CSPP1: variants seen among roughly 807,000 people sequenced by gnomAD.
The protein encoded by CSPP1 is centrosome and spindle pole associated protein 1.
A neutral mutation model predicts 164.4 loss-of-function variants in CSPP1; 126 were observed. The observed-to-expected ratio is 0.77, with a 90% confidence interval of 0.66 to 0.89. The LOEUF is 0.89. Among genes scored for constraint, CSPP1 ranks in the 40% least tolerant of loss-of-function variants. CSPP1 has a pLI of 0.00. For missense variants in CSPP1, 1,395 were observed against 1,449.8 expected, an observed-to-expected ratio of 0.96 and a Z score of 0.61; for synonymous variants, 472 against 476.7, an observed-to-expected ratio of 0.99 and a Z score of 0.13.
chr8:67,091,764 C>A, intron 4 of CSPP1, 39 bp from the exon 5 acceptor site: 1 of 662,102 alleles, frequency 1.5e-6, no homozygotes, highest in Non-Finnish European at 2.3e-6. Flanking sequence ...TTTATAAAGG[C>A]AATTAGGTAA....
At position 67,161,886 on chromosome 8, in the gene CSPP1, G is replaced by A. The variant is rs758596232; in HGVS notation, c.2614G>A (p.Val872Ile). 2 of 1,611,820 alleles carry A rather than the reference G, an allele frequency of 1.2e-6. No individual in the cohort carries two copies. Among genetic ancestry groups the A allele is most frequent in the South Asian group, 2.2e-5 (2 of 91,034 alleles). Reference sequence around the variant, plus strand: ...AAGCAAACTCCAAAGACCTCCTTCAGTTGACAGCATCATACGTTCCTTTAT... The same window carrying A: ...AAGCAAACTCCAAAGACCTCCTTCAATTGACAGCATCATACGTTCCTTTAT... ...IASKLQRPPS[V>I]DSIIRSFIHE... The change falls in exon 22 of 31, where the codon GTT (valine) becomes ATT (isoleucine). Residue 872 changes from valine (V) to isoleucine (I), a missense_variant. Physicochemically the swap from Val to Ile is conservative, Grantham distance 29 (BLOSUM62 3). Transcript: ENST00000678616.
chr8:67,091,738 C>T, intron 4 of CSPP1, 65 bp from the exon 5 acceptor site: 1 of 486,108 alleles, frequency 2.1e-6, no homozygotes, highest in Non-Finnish European at 3.6e-6. Context: ...TGCAAAGACA[C>T]ATTTATGCAA....
At chr8:67,118,069 ATGTAATAGTATT>A (rs928361881) in intron 13 of CSPP1, among the ~76,000 whole-genome samples, 167 bp from the exon 14 acceptor site, 30 of 152,306 alleles carry the variant, frequency 2.0e-4, no homozygotes, top group African/African-American at 6.7e-4. Flanking sequence ...GTGAAATCCT[ATGTAATAGTATT>A]TGCTTTTTAA....
At chr8:67,084,211 T>C (rs573800749) in intron 3 of CSPP1, 1 of 152,358 alleles carries the variant, frequency 6.6e-6, no homozygotes, top group South Asian at 2.1e-4. Context: ...AATGCTTTAG[T>C]TTCTTTTGGA....
intron 19 of CSPP1, among the ~76,000 whole-genome samples, chr8:67,157,300 C>A (rs191555311): frequency 6.9e-6 from 1 of 144,812 alleles, no homozygotes; most frequent in African/African-American, 2.5e-5. Flanking sequence ...GATTAAAGTT[C>A]TTTTTTTTTT....
At chr8:67,191,799 C>T (rs1190597483) in intron 29 of CSPP1, among the ~76,000 whole-genome samples, 1 of 152,124 alleles carries the variant, frequency 6.6e-6, no homozygotes, top group Non-Finnish European at 1.5e-5. Context: ...TATATGGACA[C>T]TTTGTATTTA....
At chr8:67,133,942 C>T (rs1821743179) in intron 16 of CSPP1, 1 of 152,238 alleles carries the variant, frequency 6.6e-6, no homozygotes, top group South Asian at 2.1e-4. Context: ...AAAATTTTAT[C>T]ATGAGATTGC....
chr8:67,070,836 T>A (rs1340633970), intron 1 of CSPP1, among the ~76,000 whole-genome samples: 1 of 151,556 alleles, frequency 6.6e-6, no homozygotes, highest in Non-Finnish European at 1.5e-5. Context: ...GTAGCCTTGA[T>A]CTCCTGGGCT....
chr8:67,149,019 T>C (rs1825173630), intron 17 of CSPP1, among the ~76,000 whole-genome samples: 1 of 152,138 alleles, frequency 6.6e-6, no homozygotes, highest in Admixed American at 6.5e-5. Context: ...CTCATAATGT[T>C]GGAGTCCAAG....
rs554187590 is a variant in CSPP1, at chr8:67,113,717, C to A, written c.1188-88C>A. 320 of 687,564 alleles carry A rather than the reference C, an allele frequency of 4.7e-4. 5 individuals are homozygous for A. The highest frequency in any genetic ancestry group is 3.8e-3 in the Middle Eastern group (9 of 2,374). 42.6% of individuals were successfully genotyped at this position (687,564 alleles called of 1,614,324 possible). A position where few individuals can be genotyped will look rare whatever the true frequency, so the allele number is the denominator to read the frequency against. The stretch of plus-strand genomic sequence containing the variant: ...TGTTTTTGTAGATGTAGTGCATAGA[C>A]TTTGTGTATAAGCTTCTTTCAGTGA... On this transcript the variant is annotated intron_variant, in intron 10 of 30. Transcript: ENST00000678616.
chr8:67,179,283 T>C (rs1832442842), intron 27 of CSPP1, among the ~76,000 whole-genome samples: 1 of 152,218 alleles, frequency 6.6e-6, no homozygotes, highest in South Asian at 2.1e-4. Flanking sequence ...CTCCACTATA[T>C]CTGTGCTGCA....
At position 67,093,552 on chromosome 8, in the gene CSPP1, A is replaced by C; in HGVS notation, c.394A>C (p.Lys132Gln). Reference sequence around the variant, plus strand: ...TGATTTTTATTTTAAGGAAAGGTTGAAACTTGAACGTAACAAAGAATACAA... The same window carrying C: ...TGATTTTTATTTTAAGGAAAGGTTGCAACTTGAACGTAACAAAGAATACAA... ...GERLSAKERL[K>Q]LERNKEYNQF... The change falls in exon 6 of 31, where the codon AAA becomes CAA. Residue 132 changes from lysine to glutamine, a missense_variant. Coordinates refer to ENST00000678616, the MANE Select transcript of CSPP1 (RefSeq NM_001382391.1). 6.2e-7 allele frequency: 1 copy of C among 1,602,692 alleles called. No homozygotes were observed.
intron 28 of CSPP1, among the ~76,000 whole-genome samples, chr8:67,181,990 C>T (rs1833170672): frequency 6.6e-6 from 1 of 152,050 alleles, no homozygotes; most frequent in Non-Finnish European, 1.5e-5. Context: ...CATGTTATAG[C>T]ATGTGTCAGA....
intron 18 of CSPP1, among the ~76,000 whole-genome samples, chr8:67,153,563 G>A (rs1199198866): frequency 2.0e-5 from 3 of 151,812 alleles, no homozygotes; most frequent in African/African-American, 7.2e-5. Flanking sequence ...TAAACTATTG[G>A]GAAGCATTTT....
chr8:67,108,020 A>T (rs1338428077), intron 9 of CSPP1, among the ~76,000 whole-genome samples: 4 of 135,190 alleles, frequency 3.0e-5, no homozygotes, highest in African/African-American at 1.1e-4. Context: ...GGCTCAGAAT[A>T]TAGTCTGTCT....
chr8:67,181,850 G>A (rs926519887), intron 28 of CSPP1, among the ~76,000 whole-genome samples: 3 of 152,030 alleles, frequency 2.0e-5, no homozygotes, highest in Non-Finnish European at 4.4e-5. Flanking sequence ...TCCAGCCCCT[G>A]GCAGCCAACA....
Position 67,127,244 on chromosome 8 carries a change from A to G in CSPP1, c.1698-4707A>G, listed in dbSNP as rs145475948. ...GCTCAAGCTGCTATAACAAAATATT[A>G]TAGACTGGGTGGCTTAAACAACAGA... On this transcript the variant is annotated intron_variant, in intron 15 of 30. Coordinates refer to ENST00000678616, the MANE Select transcript of CSPP1 (RefSeq NM_001382391.1). 2.5e-3 allele frequency among the ~76,000 whole-genome samples: 388 copies of G among 152,308 alleles called. 2 individuals are homozygous for G. Among genetic ancestry groups the G allele is most frequent in the African/African-American group, 8.0e-3 (334 of 41,574 alleles).
chr8:67,145,716 C>T (rs1414399685), intron 17 of CSPP1, among the ~76,000 whole-genome samples: 9 of 151,812 alleles, frequency 5.9e-5, no homozygotes, highest in East Asian at 1.9e-4. Context: ...TTAGTAGAGA[C>T]GGGGTTTCAC....
chr8:67,192,483 A>G (rs1021294149), intron 29 of CSPP1, among the ~76,000 whole-genome samples: 1 of 151,976 alleles, frequency 6.6e-6, no homozygotes, highest in Non-Finnish European at 1.5e-5. Context: ...CTTTTTTCCC[A>G]TTCTGTATCT....
Sources: gnomAD v4.1 joint callset for allele counts (sites outside exome capture counted in the v4.1 genomes callset) on GRCh38, gnomAD v4.1.1 for gene constraint, MANE v1.5 for transcripts, NCBI Gene and HGNC (gene_info 2026-07-23, HGNC 2026-07-21) for gene names.